The following AVL9 variants were observed in gnomAD, a reference collection of about 807,000 sequenced individuals.
The protein encoded by AVL9 is AVL9 cell migration associated.
AVL9 carries 49 observed loss-of-function variants against 79.2 expected under a neutral mutation model. The observed-to-expected ratio is 0.62, with a 90% CI of 0.49 to 0.79. AVL9 has a LOEUF of 0.79. Among genes scored for constraint, AVL9 ranks in the 30% least tolerant of loss-of-function variants. The probability of loss-of-function intolerance (pLI) is 0.00; values close to 1 mark genes in which losing one functional copy is unlikely to be tolerated. For synonymous variants in AVL9, 299 were observed against 280.6 expected, an observed-to-expected ratio of 1.07 and a Z score of -0.65; for missense variants, 682 against 776.8, an observed-to-expected ratio of 0.88 and a Z score of 1.45.
Position 32,587,660 on chromosome 7 carries a change from A to G in AVL9, c.*3753A>G, listed in dbSNP as rs1254886859. 6.6e-6 allele frequency: 1 copy of G among 151,988 alleles called. No homozygotes were observed. Among genetic ancestry groups the G allele is most frequent in the Non-Finnish European group, 1.5e-5 (1 of 67,988 alleles). 9.4% of individuals were successfully genotyped at this position (151,988 alleles called of 1,614,324 possible). ...AATCTTTGATCAGAGATGAGGTGCC[A>G]TTTTTGGCATTTCCACCCCGTCTCG... On this transcript the variant is annotated 3_prime_UTR_variant, in exon 16 of 16. Transcript: ENST00000318709.
chr7:32,583,593 C>A (rs1791620797), intron 15 of AVL9, among the ~76,000 whole-genome samples, 199 bp from the exon 16 acceptor site: 1 of 152,162 alleles, frequency 6.6e-6, no homozygotes, highest in South Asian at 2.1e-4. Flanking sequence ...GTGGGAGGAT[C>A]ACTTGAGCCT....
chr7:32,559,185 C>T lies in AVL9; in HGVS notation c.936C>T (p.Thr312=). Residue 312 remains threonine (T), a synonymous_variant, in exon 10 of 16, where the codon ACC becomes ACT. Transcript: ENST00000318709. ...DSSKGQEPND[T]NQYLKPPSRP... is the part of the protein sequence containing the mutation. Reference sequence around the variant, plus strand: ...GCAAAGGGCAGGAACCCAATGATACCAATCAATATTTGAAACCTCCATCTC... The same window carrying T: ...GCAAAGGGCAGGAACCCAATGATACTAATCAATATTTGAAACCTCCATCTC... 6.2e-7 allele frequency: 1 copy of T among 1,614,120 alleles called. No homozygotes were observed. Among genetic ancestry groups the T allele is most frequent in the Non-Finnish European group, 8.5e-7 (1 of 1,180,020 alleles).
intron 11 of AVL9, among the ~76,000 whole-genome samples, chr7:32,570,893 T>A (rs1790808174): frequency 7.3e-6 from 1 of 137,290 alleles, no homozygotes; most frequent in Non-Finnish European, 1.5e-5. Context: ...AGTGCTGGGA[T>A]TACAGGCGTA....
chr7:32,583,255 A>G (rs985376264), intron 15 of AVL9, among the ~76,000 whole-genome samples: 1 of 152,260 alleles, frequency 6.6e-6, no homozygotes, highest in Non-Finnish European at 1.5e-5. Flanking sequence ...AGTTTGATGA[A>G]TACTTTCAGA....
chr7:32,551,326 C>T lies in AVL9; in HGVS notation c.373-8C>T, dbSNP rs1231724360. On this transcript the variant is annotated splice_region_variant and splice_polypyrimidine_tract_variant and intron_variant, in intron 4 of 15. Transcript: ENST00000318709. ...TAATCAATGGTAATTTCTCTTTTTT[C>T]CTTTAAGCCTCTGTATGGTTTACTT... 9 of 1,557,992 alleles carry T rather than the reference C, an allele frequency of 5.8e-6. No individual in the cohort carries two copies. The highest frequency in any genetic ancestry group is 1.7e-4 in the Middle Eastern group (1 of 5,930).
chr7:32,518,497 C>A (rs1164704453), intron 1 of AVL9, among the ~76,000 whole-genome samples: 2 of 151,808 alleles, frequency 1.3e-5, no homozygotes, highest in African/African-American at 2.4e-5. Flanking sequence ...AAAAAGTATG[C>A]TCTTATTAAA....
In AVL9 at chr7:32,559,001, T is replaced by C; in HGVS notation, c.752T>C (p.Leu251Pro). 6.2e-7 allele frequency: 1 copy of C among 1,613,914 alleles called. No individual in the cohort carries two copies. Among genetic ancestry groups the C allele is most frequent in the Non-Finnish European group, 8.5e-7 (1 of 1,179,886 alleles). Residue 251 changes from leucine (L) to proline (P), a missense_variant, in exon 10 of 16, where the codon CTT becomes CCT. By Grantham distance (98) the Leu-to-Pro change is moderately conservative. Transcript: ENST00000318709. ...PRKSMSEDGG[L>P]QESNPCADDF... is the part of the protein sequence containing the mutation. The stretch of plus-strand genomic sequence containing the variant: ...AAAAGTATGTCTGAAGATGGTGGGC[T>C]TCAGGAAAGTAACCCATGTGCAGAT...
chr7:32,517,388 C>T (rs1214259056), intron 1 of AVL9, among the ~76,000 whole-genome samples: 1 of 151,282 alleles, frequency 6.6e-6, no homozygotes, highest in Non-Finnish European at 1.5e-5. Context: ...TCACTGCAAA[C>T]TCTGTCGCCT....
intron 1 of AVL9, among the ~76,000 whole-genome samples, chr7:32,517,778 C>T (rs1016865406): frequency 5.9e-5 from 9 of 151,660 alleles, no homozygotes; most frequent in Non-Finnish European, 1.2e-4. Flanking sequence ...AAACTATAAA[C>T]CCAGCCCAAA....
At chr7:32,546,068 A>ATTTTTTTTT (rs1562779016) in intron 3 of AVL9, among the ~76,000 whole-genome samples, 1 of 45,800 alleles carries the variant, frequency 2.2e-5, no homozygotes, top group African/African-American at 7.7e-5. Context: ...TTACCTGGAG[A>ATTTTTTTTT]CTTTTTTTTT....
chr7:32,557,853 CTTT>C (rs3079799), intron 8 of AVL9, among the ~76,000 whole-genome samples: 13 of 73,266 alleles, frequency 1.8e-4, no homozygotes, highest in African/African-American at 5.2e-4. Context: ...AGCTGTTACT[CTTT>C]TTTTTTTTTT....
intron 1 of AVL9, among the ~76,000 whole-genome samples, chr7:32,506,849 C>T (rs1284450036): frequency 1.3e-5 from 2 of 151,904 alleles, no homozygotes; most frequent in Admixed American, 1.3e-4. Flanking sequence ...GAGGAGGGAA[C>T]ATTTCTCAAC....
At chr7:32,542,883 A>G (rs1404285842) in intron 1 of AVL9, among the ~76,000 whole-genome samples, 1 of 152,136 alleles carries the variant, frequency 6.6e-6, no homozygotes, top group Non-Finnish European at 1.5e-5. Context: ...TCAATCACCA[A>G]CCCCACTACC....
intron 8 of AVL9, among the ~76,000 whole-genome samples, chr7:32,555,066 C>T (rs7803592): frequency 0.58 from 87,645 of 152,084 alleles, 26,934 homozygotes; most frequent in Admixed American, 0.69. Flanking sequence ...TGGCCGGGCA[C>T]GGTGGCTCAC....
chr7:32,570,293 T>C (rs1790770954), intron 11 of AVL9, 139 bp downstream of exon 11: 1 of 1,207,584 alleles, frequency 8.3e-7, no homozygotes, highest in Non-Finnish European at 1.2e-6. Context: ...AAGTATTTTA[T>C]GTGTATTAAC....
chr7:32,572,612 C>A (rs1790905228), intron 11 of AVL9, among the ~76,000 whole-genome samples: 1 of 150,174 alleles, frequency 6.7e-6, no homozygotes, highest in Admixed American at 6.6e-5. Flanking sequence ...ACCATCCTGG[C>A]TAACATGGTG....
At chr7:32,560,455 C>T (rs1790284360) in intron 10 of AVL9, among the ~76,000 whole-genome samples, 1 of 152,180 alleles carries the variant, frequency 6.6e-6, no homozygotes, top group Admixed American at 6.5e-5. Context: ...TCTCCTTATT[C>T]ATCCCTAAGA....
intron 1 of AVL9, chr7:32,535,495 C>G (rs1788861150): frequency 1.3e-5 from 2 of 152,168 alleles, no homozygotes; most frequent in African/African-American, 4.8e-5. Context: ...CTTTTTGTTC[C>G]TTATTTCTGC....
At chr7:32,548,151 C>CTTTTGTTTTTTTTT (rs71559236) in intron 3 of AVL9, among the ~76,000 whole-genome samples, 1 of 131,596 alleles carries the variant, frequency 7.6e-6, no homozygotes. Flanking sequence ...TCTCTTTTTT[C>CTTTTGTTTTTTTTT]TTTTTTTTTT....
Sources: allele counts gnomAD v4.1 joint callset (sites outside exome capture counted in the v4.1 genomes callset), GRCh38; gene constraint gnomAD v4.1.1; transcripts MANE v1.5; gene names NCBI Gene and HGNC (gene_info 2026-07-23, HGNC 2026-07-21).